The following ABCC4 variants were observed in gnomAD, a reference collection of about 807,000 sequenced individuals.
ABCC4 encodes the protein ATP binding cassette subfamily C member 4 (PEL blood group).
A neutral mutation model predicts 168.5 loss-of-function variants in ABCC4; 102 were observed. The ratio of observed to expected loss-of-function variants is 0.61; its 90% CI spans 0.52 to 0.71. The LOEUF (loss-of-function observed/expected upper bound fraction) is 0.71. Among genes scored for constraint, ABCC4 ranks in the 30% least tolerant of loss-of-function variants. ABCC4 has a pLI of 0.00. For synonymous variants in ABCC4, 617 were observed against 590.7 expected (o/e 1.04, Z -0.65); for missense variants, 1,402 against 1,605.8 (o/e 0.87, Z 2.17).
intron 20 of ABCC4, among the ~76,000 whole-genome samples, chr13:95,098,953 A>C (rs566143255): frequency 6.6e-6 from 1 of 152,342 alleles, no homozygotes; most frequent in East Asian, 1.9e-4. Flanking sequence ...AACCATTATA[A>C]AAATCCTTGT....
intron 13 of ABCC4, among the ~76,000 whole-genome samples, chr13:95,176,405 G>T (rs1313950374): frequency 6.6e-6 from 1 of 152,070 alleles, no homozygotes; most frequent in Admixed American, 6.6e-5. Flanking sequence ...TGAGGCAGGA[G>T]AATCTCTTGA....
At chr13:95,261,962 G>A (rs1168166564) in intron 1 of ABCC4, among the ~76,000 whole-genome samples, 2 of 152,114 alleles carry the variant, frequency 1.3e-5, no homozygotes, top group East Asian at 3.9e-4. Flanking sequence ...TAATTGGCTG[G>A]GCACAGTGGC....
chr13:95,093,712 G>T (rs924650500), intron 20 of ABCC4, among the ~76,000 whole-genome samples: 72 of 152,190 alleles, frequency 4.7e-4, no homozygotes, highest in Non-Finnish European at 1.5e-5. Context: ...ACAAAAGAAA[G>T]AAATAAAGGG....
intron 5 of ABCC4, among the ~76,000 whole-genome samples, chr13:95,210,230 C>A (rs2139683776): frequency 6.6e-6 from 1 of 152,330 alleles, no homozygotes; most frequent in East Asian, 1.9e-4. Flanking sequence ...GTAATCCCAG[C>A]ACTTTGGGAG....
intron 25 of ABCC4, among the ~76,000 whole-genome samples, chr13:95,064,254 GTGTGTGTATATATATATATATATATATA>G (rs1266487413): frequency 4.2e-5 from 1 of 23,658 alleles, no homozygotes; most frequent in Non-Finnish European, 7.6e-5. Flanking sequence ...GGGTGTGTGT[GTGTGTGTATATATATATATATATATATA>G]TATATATATA....
At chr13:95,194,520 C>A (rs548116083) in intron 9 of ABCC4, among the ~76,000 whole-genome samples, 1 of 152,222 alleles carries the variant, frequency 6.6e-6, no homozygotes, top group Non-Finnish European at 1.5e-5. Context: ...ATGCTGCACC[C>A]CTAGTCTGTC....
chr13:95,223,837 A>G (rs2039374128), intron 4 of ABCC4, among the ~76,000 whole-genome samples: 1 of 152,174 alleles, frequency 6.6e-6, no homozygotes, highest in Non-Finnish European at 1.5e-5. Context: ...AACACTCTAG[A>G]GCTGCAATAC....
chr13:95,071,416 G>C (rs1057447651), intron 25 of ABCC4, among the ~76,000 whole-genome samples: 17 of 152,140 alleles, frequency 1.1e-4, no homozygotes, highest in African/African-American at 4.1e-4. Flanking sequence ...AAATCCATGA[G>C]TAATTAGGTA....
intron 25 of ABCC4, among the ~76,000 whole-genome samples, chr13:95,064,547 T>C (rs1366818969): frequency 1.3e-5 from 2 of 151,916 alleles, no homozygotes; most frequent in African/African-American, 2.4e-5. Context: ...CTTATGTGTG[T>C]TTCTCAGTAA....
intron 20 of ABCC4, among the ~76,000 whole-genome samples, chr13:95,085,401 C>T (rs1409456702): frequency 6.6e-6 from 1 of 152,132 alleles, no homozygotes; most frequent in Non-Finnish European, 1.5e-5. Context: ...GATGGTGCCA[C>T]TGCACTCCAG....
At chr13:95,195,924 A>G (rs1311777584) in intron 8 of ABCC4, among the ~76,000 whole-genome samples, 4 of 152,134 alleles carry the variant, frequency 2.6e-5, no homozygotes, top group South Asian at 2.1e-4. Flanking sequence ...ATAAGCCACC[A>G]TGCTACACCT....
At position 95,166,142 on chromosome 13, in the gene ABCC4, C is replaced by T. The variant is rs1729769; in HGVS notation, c.2034+16G>A. ...TGAACAAAACCAGGCCATGTTGTAA[C>T]AGGAGGTGAACTCACATCTTGGCTC... On this transcript the variant is annotated intron_variant, in intron 15 of 30. Transcript: ENST00000645237. 2.6e-4 allele frequency: 416 copies of T among 1,606,170 alleles called. 3 individuals are homozygous for T. In the African/African-American group the frequency reaches 5.2e-3, roughly 20 times the overall value.
intron 20 of ABCC4, among the ~76,000 whole-genome samples, chr13:95,100,573 A>G (rs2034762592): frequency 6.6e-6 from 1 of 152,236 alleles, no homozygotes; most frequent in Non-Finnish European, 1.5e-5. Flanking sequence ...AAATATTTCC[A>G]GTAACTCATG....
At chr13:95,214,204 C>T (rs1470912500) in intron 4 of ABCC4, among the ~76,000 whole-genome samples, 1 of 152,096 alleles carries the variant, frequency 6.6e-6, no homozygotes, top group African/African-American at 2.4e-5. Context: ...CCCAGAGTCG[C>T]TAACCCTTCC....
chr13:95,163,011 C>G (rs2037148089), intron 18 of ABCC4, 111 bp downstream of exon 18: 2 of 736,100 alleles, frequency 2.7e-6, no homozygotes, highest in Admixed American at 4.9e-5. Context: ...GACTGAGACT[C>G]CTGATCTGTT....
intron 21 of ABCC4, among the ~76,000 whole-genome samples, chr13:95,080,371 C>T (rs984565733): frequency 6.9e-6 from 1 of 144,564 alleles, no homozygotes; most frequent in African/African-American, 2.5e-5. Flanking sequence ...AAATGATCAA[C>T]TGCAGATTTG....
intron 19 of ABCC4, among the ~76,000 whole-genome samples, chr13:95,135,641 T>C (rs545775827): frequency 1.3e-5 from 2 of 152,276 alleles, no homozygotes; most frequent in Admixed American, 6.5e-5. Context: ...CTTGAATTCC[T>C]GAGCTCAAGC....
intron 1 of ABCC4, among the ~76,000 whole-genome samples, chr13:95,248,174 G>C (rs2040159452): frequency 6.6e-6 from 1 of 152,192 alleles, no homozygotes; most frequent in Admixed American, 6.5e-5. Flanking sequence ...AGAGGACCCA[G>C]CTTGACGGGG....
At chr13:95,170,459 A>C in intron 14 of ABCC4, 73 bp downstream of exon 14, 1 of 838,064 alleles carries the variant, frequency 1.2e-6, no homozygotes, top group South Asian at 1.7e-5. Flanking sequence ...AGGAACATGA[A>C]ATGGAGGAAG....
Sources: gnomAD v4.1 joint callset for allele counts (sites outside exome capture counted in the v4.1 genomes callset) on GRCh38, gnomAD v4.1.1 for gene constraint, MANE v1.5 for transcripts, NCBI Gene and HGNC (gene_info 2026-07-23, HGNC 2026-07-21) for gene names.